Variants in GRID2 observed in about 807,000 individuals in gnomAD.
The protein encoded by GRID2 is glutamate receptor ionotropic, delta-2.
In GRID2, 33 loss-of-function variants were observed where a neutral mutation model predicts 114.8. That is an observed-to-expected ratio of 0.29 (90% CI 0.22 to 0.38). The LOEUF (loss-of-function observed/expected upper bound fraction) is 0.38. GRID2 is among the 10% of genes least tolerant of loss of function. The probability of loss-of-function intolerance (pLI) is 1.00; values close to 1 mark genes in which losing one functional copy is unlikely to be tolerated. For synonymous variants in GRID2, 505 were observed against 449.9 expected, an observed-to-expected ratio of 1.12 and a Z score of -1.55; for missense variants, 1,184 against 1,257.7, an observed-to-expected ratio of 0.94 and a Z score of 0.89.
At chr4:93,019,731 C>G (rs1176021113) in intron 2 of GRID2, among the ~76,000 whole-genome samples, 1 of 152,070 alleles carries the variant, frequency 6.6e-6, no homozygotes, top group East Asian at 1.9e-4. Context: ...TTCCCTTCAC[C>G]TTTTTCCTCT....
chr4:92,856,079 A>ATTATCC (rs1744160627), intron 2 of GRID2, among the ~76,000 whole-genome samples: 1 of 152,032 alleles, frequency 6.6e-6, no homozygotes, highest in Non-Finnish European at 1.5e-5. Flanking sequence ...TTTTTTTCCA[A>ATTATCC]TTATCCTTAA....
At chr4:92,603,675 C>A (rs951939463) in intron 2 of GRID2, among the ~76,000 whole-genome samples, 1 of 151,942 alleles carries the variant, frequency 6.6e-6, no homozygotes, top group Non-Finnish European at 1.5e-5. Flanking sequence ...GCAACGAAAG[C>A]AGAATTTGAC....
intron 7 of GRID2, 87 bp from the exon 8 acceptor site, chr4:93,238,284 A>G: frequency 1.1e-6 from 1 of 890,260 alleles, no homozygotes; most frequent in Non-Finnish European, 1.7e-6. Context: ...TATAGATAGA[A>G]GTAGAGTTCC....
At chr4:93,769,045 G>T (rs1024364926) in intron 14 of GRID2, among the ~76,000 whole-genome samples, 165 bp from the exon 15 acceptor site, 2 of 152,174 alleles carry the variant, frequency 1.3e-5, no homozygotes, top group Non-Finnish European at 2.9e-5. Context: ...TCAAAGCAAT[G>T]ATGACTTTCT....
chr4:92,421,829 T>G (rs1731923912), intron 1 of GRID2, among the ~76,000 whole-genome samples: 1 of 152,148 alleles, frequency 6.6e-6, no homozygotes, highest in Non-Finnish European at 1.5e-5. Flanking sequence ...GGTAGTATAG[T>G]TAATAGCTTA....
intron 7 of GRID2, among the ~76,000 whole-genome samples, chr4:93,237,840 T>C (rs557968953): frequency 6.6e-6 from 1 of 151,946 alleles, no homozygotes; most frequent in Admixed American, 6.6e-5. Context: ...CTTTCTTTTA[T>C]TTTTGATTTG....
intron 3 of GRID2, among the ~76,000 whole-genome samples, chr4:93,091,873 CCA>C (rs1730822878): frequency 6.6e-6 from 1 of 152,108 alleles, no homozygotes; most frequent in Admixed American, 6.6e-5. Flanking sequence ...GGCAAGGCTG[CCA>C]CACAGGCTGC....
At chr4:92,710,238 G>A (rs1206274139) in intron 2 of GRID2, among the ~76,000 whole-genome samples, 1 of 151,782 alleles carries the variant, frequency 6.6e-6, no homozygotes, top group South Asian at 2.1e-4. Flanking sequence ...AACTTTTTGT[G>A]TATGTTATTT....
At chr4:92,881,273 C>A (rs1275748142) in intron 2 of GRID2, among the ~76,000 whole-genome samples, 2 of 152,172 alleles carry the variant, frequency 1.3e-5, no homozygotes, top group Admixed American at 1.3e-4. Flanking sequence ...TCAGAGCTCG[C>A]CACCTGAGTT....
intron 2 of GRID2, among the ~76,000 whole-genome samples, chr4:93,075,374 A>G (rs867253136): frequency 1.3e-5 from 2 of 152,184 alleles, no homozygotes; most frequent in East Asian, 3.9e-4. Context: ...ATTATTTTCA[A>G]TTGTGAAAAA....
Position 93,412,987 on chromosome 4 carries a change from A to C in GRID2, c.1348-9784A>C, listed in dbSNP as rs138289160. 7.0e-3 allele frequency among the ~76,000 whole-genome samples: 1,060 copies of C among 152,228 alleles called. 16 individuals are homozygous for C. The highest frequency in any genetic ancestry group is 5.7e-3 in the Non-Finnish European group (390 of 68,012). On this transcript the variant is annotated intron_variant, in intron 9 of 15. Transcript: ENST00000282020. Reference sequence around the variant, plus strand: ...TGTAAGTGCCACATTTTCTTTATTCAGTATATCATTGATGGGCATTTGGGT... The same window carrying C: ...TGTAAGTGCCACATTTTCTTTATTCCGTATATCATTGATGGGCATTTGGGT...
chr4:92,777,431 A>C (rs953418520), intron 2 of GRID2, among the ~76,000 whole-genome samples: 1 of 151,936 alleles, frequency 6.6e-6, no homozygotes, highest in African/African-American at 2.4e-5. Context: ...TAAAAATTGT[A>C]TTTCTCCATA....
chr4:93,130,424 A>T (rs1734693357), intron 4 of GRID2, among the ~76,000 whole-genome samples: 1 of 152,210 alleles, frequency 6.6e-6, no homozygotes, highest in Non-Finnish European at 1.5e-5. Context: ...AGCCTGGAGT[A>T]CAGAGCAAAA....
At chr4:92,475,629 T>G (rs1427126009) in intron 1 of GRID2, among the ~76,000 whole-genome samples, 2 of 152,046 alleles carry the variant, frequency 1.3e-5, no homozygotes, top group Non-Finnish European at 2.9e-5. Flanking sequence ...TTTGTTATTT[T>G]GTCTAAGATT....
Position 92,729,704 on chromosome 4 carries a change from G to A in GRID2, c.244+139418G>A, listed in dbSNP as rs373353780. ...ACTTCATACATCATGGGGAAAAAAT[G>A]TAAGCTAGTTTACCTGCTAATCAGT... On this transcript the variant is annotated intron_variant, in intron 2 of 15. Coordinates refer to ENST00000282020, the MANE Select transcript of GRID2 (RefSeq NM_001510.4). Among the ~76,000 whole-genome samples the A allele has an allele frequency of 3.9e-4, 59 of 152,084 alleles. 2 individuals carry two copies. In the South Asian group the frequency reaches 0.012, roughly 32 times the overall value.
At chr4:93,292,475 A>G (rs935076261) in intron 8 of GRID2, among the ~76,000 whole-genome samples, 1 of 152,176 alleles carries the variant, frequency 6.6e-6, no homozygotes, top group Admixed American at 6.5e-5. Context: ...ATTGAGGGAA[A>G]ACATAGCTAT....
intron 4 of GRID2, among the ~76,000 whole-genome samples, chr4:93,193,256 C>T (rs1014221648): frequency 6.6e-6 from 1 of 151,998 alleles, no homozygotes; most frequent in Admixed American, 6.6e-5. Context: ...TGAAGGAGAC[C>T]GAGGGATCAT....
rs193006491 is a variant in GRID2 at position 93,045,761 on chromosome 4, A to C, written c.245-39234A>C. Among the ~76,000 whole-genome samples, 7 of 152,222 alleles carry C rather than the reference A, an allele frequency of 4.6e-5. No homozygotes were observed. The East Asian group carries it at 1.2e-3, about 25-fold the overall frequency. ...ATTCTGTAAATGATTTCTGCCTACC[A>C]ATTGATAATACGAAACTTTATTCTC... is the stretch of plus-strand genomic sequence containing the variant. On this transcript the variant is annotated intron_variant, in intron 2 of 15. Transcript: ENST00000282020.
chr4:92,959,645 C>T (rs1365759062), intron 2 of GRID2, among the ~76,000 whole-genome samples: 1 of 152,020 alleles, frequency 6.6e-6, no homozygotes, highest in Non-Finnish European at 1.5e-5. Flanking sequence ...TAAAATCTGG[C>T]ATATATACAC....
Sources: gnomAD v4.1 joint callset for allele counts (sites outside exome capture counted in the v4.1 genomes callset) on GRCh38, gnomAD v4.1.1 for gene constraint, MANE v1.5 for transcripts, NCBI Gene and HGNC (gene_info 2026-07-23, HGNC 2026-07-21) for gene names.